Variants in CTSK observed in about 807,000 individuals in gnomAD.
CTSK encodes the protein cathepsin O.
CTSK carries 26 observed loss-of-function variants against 40.5 expected under a neutral mutation model. The ratio of observed to expected loss-of-function variants is 0.64; its 90% CI spans 0.47 to 0.89. The LOEUF (loss-of-function observed/expected upper bound fraction) is 0.89. CTSK is among the 40% of genes least tolerant of loss of function. The pLI is 0.00. For missense variants in CTSK, 292 were observed against 400.1 expected, an observed-to-expected ratio of 0.73 and a Z score of 2.30; for synonymous variants, 132 against 143.2, an observed-to-expected ratio of 0.92 and a Z score of 0.56.
intron 7 of CTSK, among the ~76,000 whole-genome samples, chr1:150,797,689 A>G (rs587672933): frequency 6.6e-6 from 1 of 152,176 alleles, no homozygotes; most frequent in South Asian, 2.1e-4. Context: ...TACCCAACAC[A>G]TTTTATTTAA....
At chr1:150,797,848 C>A (rs1422182723) in intron 7 of CTSK, among the ~76,000 whole-genome samples, 1 of 152,072 alleles carries the variant, frequency 6.6e-6, no homozygotes, top group Non-Finnish European at 1.5e-5. Flanking sequence ...AGTGCTTGGA[C>A]CTGGGAGTCA....
At chr1:150,807,701 T>C (rs1388279213) in intron 1 of CTSK, among the ~76,000 whole-genome samples, 1 of 152,190 alleles carries the variant, frequency 6.6e-6, no homozygotes, top group East Asian at 1.9e-4. Context: ...AATCCTCCAT[T>C]TTAAGAACAA....
At chr1:150,807,964 G>A (rs1187774025) in intron 1 of CTSK, among the ~76,000 whole-genome samples, 1 of 152,116 alleles carries the variant, frequency 6.6e-6, no homozygotes, top group Non-Finnish European at 1.5e-5. Flanking sequence ...ACTCTTGAAG[G>A]ATGGGGAAAT....
At chr1:150,807,080 T>TCTCTCACA (rs1491280032) in intron 1 of CTSK, among the ~76,000 whole-genome samples, 30 of 69,670 alleles carry the variant, frequency 4.3e-4, no homozygotes, top group African/African-American at 1.1e-3. Context: ...TCTCTCTCTC[T>TCTCTCACA]CACACACACA....
chr1:150,805,564 G>T (rs899973683), intron 4 of CTSK, among the ~76,000 whole-genome samples: 3 of 147,146 alleles, frequency 2.0e-5, no homozygotes, highest in Non-Finnish European at 4.5e-5. Flanking sequence ...GCTTGAACCC[G>T]GGAGGTGTAG....
At position 150,807,582 on chromosome 1, in the gene CTSK, A is replaced by G. The variant is rs144626880; in HGVS notation, c.-2+632T>C. 9 of 329,190 alleles carry G rather than the reference A, an allele frequency of 2.7e-5. No individual in the cohort carries two copies. The East Asian group carries it at 3.2e-4, about 12-fold the overall frequency. The allele number at this position is 329,190 out of a possible 1,614,324, so 20.4% of individuals were successfully genotyped here. A position where few individuals can be genotyped will look rare whatever the true frequency, so the allele number is the denominator to read the frequency against. On this transcript the variant is annotated intron_variant, in intron 1 of 7. Coordinates refer to ENST00000271651, the MANE Select transcript of CTSK (RefSeq NM_000396.4). The stretch of plus-strand genomic sequence containing the variant: ...AGCCTCAGATCCAAGGTTTGTTAGA[A>G]GAATGTTCAGACTGAAAAGCAATGT...
chr1:150,806,735 G>A lies in CTSK; in HGVS notation c.71C>T (p.Thr24Ile). 6.2e-7 allele frequency: 1 copy of A among 1,614,072 alleles called. No homozygotes were observed. The highest frequency in any genetic ancestry group is 8.5e-7 in the Non-Finnish European group (1 of 1,180,010). The change falls in exon 2 of 8, where the codon ACC becomes ATC. Residue 24 changes from threonine (T) to isoleucine (I), a missense_variant. Thr to Ile is a moderately conservative substitution (Grantham distance 89, BLOSUM62 -1). Coordinates refer to ENST00000271651, the MANE Select transcript of CTSK (RefSeq NM_000396.4). Reference protein sequence around the residue: ...FALYPEEILDTHWELWKKTHR... With the variant: ...FALYPEEILDIHWELWKKTHR... ...GGTCTTCTTCCATAGCTCCCAGTGG[G>A]TGTCCAGTATCTCCTCAGGGTACAG...
chr1:150,805,848 G>A lies in CTSK; in HGVS notation c.399+13C>T. 6.2e-7 allele frequency: 1 copy of A among 1,613,924 alleles called. No homozygotes were observed. Among genetic ancestry groups the A allele is most frequent in the South Asian group, 1.1e-5 (1 of 91,060 alleles). ...CCAGATTACATATGCACACCCAGAA[G>A]AAAGGAGAGTACCTGATTTTTGACA... On this transcript the variant is annotated intron_variant, in intron 4 of 7. Coordinates refer to ENST00000271651, the MANE Select transcript of CTSK (RefSeq NM_000396.4).
intron 5 of CTSK, among the ~76,000 whole-genome samples, chr1:150,803,182 G>A (rs1654025718): frequency 6.6e-6 from 1 of 152,170 alleles, no homozygotes; most frequent in African/African-American, 2.4e-5. Context: ...AGGAATGTTT[G>A]CAGAAGATAA....
intron 1 of CTSK, among the ~76,000 whole-genome samples, chr1:150,807,078 TCTCACACACACACACACACA>T (rs1293380288): frequency 1.4e-3 from 172 of 120,598 alleles, no homozygotes; most frequent in Non-Finnish European, 2.0e-3. Flanking sequence ...TCTCTCTCTC[TCTCACACACACACACACACA>T]CACACACACA....
intron 5 of CTSK, among the ~76,000 whole-genome samples, chr1:150,803,016 A>G (rs1202633159): frequency 6.6e-6 from 1 of 152,252 alleles, no homozygotes; most frequent in Non-Finnish European, 1.5e-5. Flanking sequence ...GATTTCTTAC[A>G]CATTGCAGGT....
intron 5 of CTSK, 30 bp downstream of exon 5, chr1:150,803,991 G>A (rs1391010872): frequency 1.9e-6 from 3 of 1,564,358 alleles, no homozygotes; most frequent in Non-Finnish European, 2.6e-6. Flanking sequence ...GGAGCCAACA[G>A]AGCTGTATAA....
At chr1:150,801,640 G>A (rs1386646535) in intron 5 of CTSK, among the ~76,000 whole-genome samples, 1 of 151,218 alleles carries the variant, frequency 6.6e-6, no homozygotes, top group African/African-American at 2.4e-5. Flanking sequence ...CCGGGTTCAC[G>A]CCATTCTCCT....
chr1:150,805,502 A>G (rs1240916166), intron 4 of CTSK, among the ~76,000 whole-genome samples: 1 of 151,552 alleles, frequency 6.6e-6, no homozygotes, highest in Non-Finnish European at 1.5e-5. Flanking sequence ...AGCCAGGCGT[A>G]GTGGCGCGTG....
At chr1:150,798,337 C>T (rs780574133) in intron 7 of CTSK, among the ~76,000 whole-genome samples, 1 of 152,162 alleles carries the variant, frequency 6.6e-6, no homozygotes, top group Admixed American at 6.5e-5. Context: ...CGCTGTTCCC[C>T]TACTGTTAAA....
Position 150,807,005 on chromosome 1 carries a change from T to TTCTCTCTCTCTCTC in CTSK, c.-1-213_-1-200dup, listed in dbSNP as rs71659432. Among the ~76,000 whole-genome samples the TTCTCTCTCTCTCTC allele has an allele frequency of 0.03, 4,105 of 138,994 alleles. 105 individuals are homozygous for TTCTCTCTCTCTCTC. Among genetic ancestry groups the TTCTCTCTCTCTCTC allele is most frequent in the African/African-American group, 0.063 (2,363 of 37,216 alleles). The allele number at this position is 138,994 out of a possible 152,430, so 91.2% of individuals were successfully genotyped here. A position where few individuals can be genotyped will look rare whatever the true frequency, so the allele number is the denominator to read the frequency against. On this transcript the variant is annotated intron_variant, in intron 1 of 7. Transcript: ENST00000271651. ...TAGGGGGATTTAGCCATTTCTCTCT[T>TTCTCTCTCTCTCTC]TCTCTCTCTCTCTCTCTCTCGGGAG...
At position 150,796,396 on chromosome 1, in the gene CTSK, C is replaced by A; in HGVS notation, c.*403G>T. ...TCTACCTTGAGGATATAGAAGGGAA[C>A]TTAGGAAGTGAGAAGTCAGATTACC... On this transcript the variant is annotated 3_prime_UTR_variant, in exon 8 of 8. Coordinates refer to ENST00000271651, the MANE Select transcript of CTSK (RefSeq NM_000396.4). 1 of 245,404 alleles carries A rather than the reference C, an allele frequency of 4.1e-6. No homozygotes were observed. Among genetic ancestry groups the A allele is most frequent in the Non-Finnish European group, 8.0e-6 (1 of 124,900 alleles). The allele number at this position is 245,404 out of a possible 1,614,324, so 15.2% of individuals were successfully genotyped here. A position where few individuals can be genotyped will look rare whatever the true frequency, so the allele number is the denominator to read the frequency against.
At chr1:150,808,017 T>C (rs1223055957) in intron 1 of CTSK, among the ~76,000 whole-genome samples, 197 bp downstream of exon 1, 1 of 152,182 alleles carries the variant, frequency 6.6e-6, no homozygotes, top group Non-Finnish European at 1.5e-5. Context: ...CATGTATGTA[T>C]ATATATAAAT....
At position 150,805,903 on chromosome 1, in the gene CTSK, G is replaced by A. The variant is rs142306783; in HGVS notation, c.357C>T (p.Val119=). The A allele has an allele frequency of 1.0e-4, 162 of 1,613,962 alleles. No individual in the cohort carries two copies. Among genetic ancestry groups the A allele is most frequent in the African/African-American group, 4.4e-4 (33 of 74,892 alleles). ...TAACATATCCTTTCTTTCGATAGTC[G>A]ACAGAGTCTGGGGCTCTACCTTCCC... ...PEWEGRAPDS[V]DYRKKGYVTP... is the part of the protein sequence containing the mutation. Residue 119 remains valine, a synonymous_variant, in exon 4 of 8, where the codon GTC becomes GTT. Coordinates refer to ENST00000271651, the MANE Select transcript of CTSK (RefSeq NM_000396.4).
Sources: gnomAD v4.1 joint callset for allele counts (sites outside exome capture counted in the v4.1 genomes callset) on GRCh38, gnomAD v4.1.1 for gene constraint, MANE v1.5 for transcripts, NCBI Gene and HGNC (gene_info 2026-07-23, HGNC 2026-07-21) for gene names.